The following TTC27 variants were observed in gnomAD, a reference collection of about 807,000 sequenced individuals.
TTC27 encodes the protein tetratricopeptide repeat domain 27, also known as tetratricopeptide repeat protein 27.
TTC27 carries 79 observed loss-of-function variants against 115.9 expected under a neutral mutation model. The ratio of observed to expected loss-of-function variants is 0.68; its 90% CI spans 0.57 to 0.82. The LOEUF (loss-of-function observed/expected upper bound fraction) is 0.82, where lower values mean the gene tolerates loss of function less well. TTC27 is among the 40% of genes least tolerant of loss of function. The pLI is 0.00. For missense variants in TTC27, 1,054 were observed against 993.1 expected (o/e 1.06, Z -0.82); for synonymous variants, 401 against 356.0 (o/e 1.13, Z -1.42).
In TTC27 at chr2:32,813,607, C is replaced by G. The variant is rs973496419; in HGVS notation, c.2308+992C>G. The stretch of plus-strand genomic sequence containing the variant: ...AATACCCTACCCTCTCACCACCACC[C>G]TCTTCCTTCCAAAGTAGAGGACTTG... On this transcript the variant is annotated intron_variant, in intron 18 of 19. Transcript: ENST00000317907. Among the ~76,000 whole-genome samples, 5 of 152,298 alleles carry G rather than the reference C, an allele frequency of 3.3e-5. No homozygotes were observed. In the East Asian group the frequency reaches 9.6e-4, roughly 29 times the overall value.
chr2:32,635,397 A>G (rs2151860093), intron 3 of TTC27: 1 of 153,766 alleles, frequency 6.5e-6, no homozygotes, highest in East Asian at 1.9e-4. Context: ...AATTAGGTGT[A>G]GCAAGTAGGC....
At chr2:32,725,865 A>G (rs149897264) in intron 10 of TTC27, among the ~76,000 whole-genome samples, 32 of 152,338 alleles carry the variant, frequency 2.1e-4, no homozygotes, top group African/African-American at 7.7e-4. Flanking sequence ...ACATCCTCTG[A>G]AATCTAGGCA....
intron 16 of TTC27, among the ~76,000 whole-genome samples, chr2:32,793,900 T>G (rs1325339116): frequency 6.6e-6 from 1 of 152,196 alleles, no homozygotes; most frequent in Non-Finnish European, 1.5e-5. Flanking sequence ...AAACAGTTAT[T>G]AGTCTAAAAG....
At chr2:32,645,357 A>G (rs1038728742) in intron 4 of TTC27, among the ~76,000 whole-genome samples, 5 of 152,266 alleles carry the variant, frequency 3.3e-5, no homozygotes, top group African/African-American at 1.2e-4. Flanking sequence ...GCAAATATTT[A>G]TTTGGTGTCT....
chr2:32,755,336 C>T (rs1437559302), intron 12 of TTC27, among the ~76,000 whole-genome samples: 1 of 152,186 alleles, frequency 6.6e-6, no homozygotes, highest in Non-Finnish European at 1.5e-5. Context: ...ATCCCGGCAC[C>T]TCGGGAGGCC....
intron 9 of TTC27, among the ~76,000 whole-genome samples, chr2:32,679,128 ACATGGT>A (rs1183152848): frequency 6.6e-6 from 1 of 152,216 alleles, no homozygotes. Context: ...TGCTATGCCT[ACATGGT>A]CATGGTGAAA....
rs1205448259 is a variant in TTC27 at position 32,667,847 on chromosome 2, A to G, written c.939+1079A>G. Among the ~76,000 whole-genome samples the G allele has an allele frequency of 6.1e-5, 9 of 146,362 alleles. No homozygotes were observed. In the East Asian group the frequency reaches 1.9e-3, roughly 31 times the overall value. On this transcript the variant is annotated intron_variant, in intron 7 of 19. Coordinates refer to ENST00000317907, the MANE Select transcript of TTC27 (RefSeq NM_017735.5). ...AGTGGGTGGATCACTTGAGGTCAGG[A>G]GTTCGAGCCCAGTCTGACCAAAATG...
chr2:32,632,019 C>T (rs1478765573), intron 2 of TTC27, among the ~76,000 whole-genome samples: 1 of 151,916 alleles, frequency 6.6e-6, no homozygotes, highest in East Asian at 1.9e-4. Flanking sequence ...CCATGTTGGC[C>T]AGGCTGGTCT....
chr2:32,722,218 A>T (rs1667956728), intron 10 of TTC27, among the ~76,000 whole-genome samples: 1 of 152,210 alleles, frequency 6.6e-6, no homozygotes, highest in South Asian at 2.1e-4. Context: ...GGGTCATGCC[A>T]TCAAGATTTT....
chr2:32,711,010 G>A lies in TTC27; in HGVS notation c.1233+8090G>A, dbSNP rs926617393. On this transcript the variant is annotated intron_variant, in intron 10 of 19. Transcript: ENST00000317907. Reference sequence around the variant, plus strand: ...TGGGTGCCTGTAATCTCTGCTACTCGAGAGGCTGAGGCAGAAGAATGGCTT... The same window carrying A: ...TGGGTGCCTGTAATCTCTGCTACTCAAGAGGCTGAGGCAGAAGAATGGCTT... 4.7e-5 allele frequency among the ~76,000 whole-genome samples: 7 copies of A among 150,502 alleles called. No individual in the cohort carries two copies. The East Asian group carries it at 1.2e-3, about 26-fold the overall frequency.
chr2:32,695,549 T>C (rs1433804586), intron 9 of TTC27, among the ~76,000 whole-genome samples: 2 of 151,926 alleles, frequency 1.3e-5, no homozygotes, highest in East Asian at 3.9e-4. Flanking sequence ...TGAAACCCCA[T>C]CTCTACTAAA....
At chr2:32,699,761 A>G (rs1043069229) in intron 9 of TTC27, among the ~76,000 whole-genome samples, 1 of 152,192 alleles carries the variant, frequency 6.6e-6, no homozygotes, top group Non-Finnish European at 1.5e-5. Context: ...TTCTTCAGTG[A>G]TGCTATTATC....
At chr2:32,803,069 T>C (rs1243767713) in intron 16 of TTC27, among the ~76,000 whole-genome samples, 1 of 152,238 alleles carries the variant, frequency 6.6e-6, no homozygotes, top group African/African-American at 2.4e-5. Context: ...GTGACCTTCC[T>C]GGTGAGGCTG....
At chr2:32,801,365 T>G (rs1670928336) in intron 16 of TTC27, among the ~76,000 whole-genome samples, 7 of 152,184 alleles carry the variant, frequency 4.6e-5, no homozygotes, top group Admixed American at 4.6e-4. Flanking sequence ...TCTGCACCTT[T>G]TCCAGCTTCT....
intron 4 of TTC27, among the ~76,000 whole-genome samples, chr2:32,647,787 A>G (rs1304214441): frequency 2.6e-5 from 4 of 152,170 alleles, no homozygotes; most frequent in African/African-American, 9.7e-5. Context: ...GCAGTGTGCT[A>G]TGATGACTCC....
At chr2:32,719,300 G>A (rs976112555) in intron 10 of TTC27, among the ~76,000 whole-genome samples, 1 of 152,198 alleles carries the variant, frequency 6.6e-6, no homozygotes, top group African/African-American at 2.4e-5. Context: ...GCAGTGATTA[G>A]GAGAGGCACC....
intron 3 of TTC27, among the ~76,000 whole-genome samples, chr2:32,634,651 C>CTAAT (rs747056096): frequency 1.3e-5 from 2 of 151,454 alleles, no homozygotes; most frequent in South Asian, 4.2e-4. Context: ...AAGTTTTTAA[C>CTAAT]TAATTAATTA....
intron 3 of TTC27, among the ~76,000 whole-genome samples, chr2:32,636,976 G>GA (rs1664452531): frequency 6.6e-6 from 1 of 152,136 alleles, no homozygotes; most frequent in African/African-American, 2.4e-5. Context: ...TTTTAGCAGT[G>GA]AAAAATCACT....
intron 9 of TTC27, among the ~76,000 whole-genome samples, chr2:32,679,501 G>T (rs1306940247): frequency 6.6e-6 from 1 of 152,164 alleles, no homozygotes; most frequent in Non-Finnish European, 1.5e-5. Flanking sequence ...AGACGAAGGG[G>T]TCAGTCAGTA....
Sources: allele counts gnomAD v4.1 joint callset (sites outside exome capture counted in the v4.1 genomes callset), GRCh38; gene constraint gnomAD v4.1.1; transcripts MANE v1.5; gene names NCBI Gene and HGNC (gene_info 2026-07-23, HGNC 2026-07-21).